The following PDGFC variants were observed in gnomAD, a reference collection of about 807,000 sequenced individuals.
PDGFC encodes platelet derived growth factor C, also known as platelet-derived growth factor C.
PDGFC carries 12 observed loss-of-function variants against 35.5 expected under a neutral mutation model. The ratio of observed to expected loss-of-function variants is 0.34; its 90% CI spans 0.22 to 0.55. The LOEUF (loss-of-function observed/expected upper bound fraction) is 0.55, where lower values mean the gene tolerates loss of function less well. Among genes scored for constraint, PDGFC ranks in the 20% least tolerant of loss-of-function variants. PDGFC has a pLI of 0.91. For missense variants in PDGFC, 322 were observed against 412.4 expected (o/e 0.78, Z 1.90); for synonymous variants, 159 against 148.8 (o/e 1.07, Z -0.50).
At chr4:156,833,600 A>G (rs1474758437) in intron 2 of PDGFC, among the ~76,000 whole-genome samples, 2 of 152,306 alleles carry the variant, frequency 1.3e-5, no homozygotes, top group Admixed American at 1.3e-4. Context: ...TGTTATTTTT[A>G]TTTAGTTTTA....
At chr4:156,871,141 G>A (rs1729973152) in intron 1 of PDGFC, among the ~76,000 whole-genome samples, 1 of 152,058 alleles carries the variant, frequency 6.6e-6, no homozygotes, top group Admixed American at 6.6e-5. Context: ...TATAGGAGCA[G>A]CTGCAACTTC....
chr4:156,860,370 T>C (rs1729681287), intron 1 of PDGFC, among the ~76,000 whole-genome samples: 1 of 152,122 alleles, frequency 6.6e-6, no homozygotes. Context: ...CCGGCTGCAT[T>C]CACGACCTTC....
At chr4:156,922,610 GTTT>G (rs1731312927) in intron 1 of PDGFC, among the ~76,000 whole-genome samples, 1 of 152,146 alleles carries the variant, frequency 6.6e-6, no homozygotes, top group African/African-American at 2.4e-5. Flanking sequence ...CTGACTGTAA[GTTT>G]ACCTACAGAG....
At chr4:156,939,349 C>T (rs1283000100) in intron 1 of PDGFC, among the ~76,000 whole-genome samples, 6 of 151,936 alleles carry the variant, frequency 3.9e-5, no homozygotes, top group Non-Finnish European at 8.8e-5. Flanking sequence ...AAAAATAACT[C>T]GATGAGTCAG....
intron 1 of PDGFC, among the ~76,000 whole-genome samples, chr4:156,857,142 T>C (rs1254059396): frequency 6.6e-6 from 1 of 151,846 alleles, no homozygotes; most frequent in African/African-American, 2.4e-5. Context: ...GAAATGATAT[T>C]TGTATAAAAG....
At chr4:156,916,067 T>C (rs1731150884) in intron 1 of PDGFC, among the ~76,000 whole-genome samples, 1 of 152,156 alleles carries the variant, frequency 6.6e-6, no homozygotes, top group Non-Finnish European at 1.5e-5. Flanking sequence ...TTTGGGAATA[T>C]TAAGAAGAAC....
chr4:156,960,881 A>G (rs534658446), intron 1 of PDGFC, among the ~76,000 whole-genome samples: 1 of 152,196 alleles, frequency 6.6e-6, no homozygotes, highest in South Asian at 2.1e-4. Context: ...ATCTGAAAAC[A>G]CTAATCATTA....
intron 3 of PDGFC, among the ~76,000 whole-genome samples, chr4:156,809,928 A>T: frequency 6.6e-6 from 1 of 151,888 alleles, no homozygotes; most frequent in East Asian, 1.9e-4. Flanking sequence ...TATGTTTTTT[A>T]CTACAATTAA....
intron 1 of PDGFC, among the ~76,000 whole-genome samples, chr4:156,856,911 C>T (rs6827973): frequency 0.11 from 16,975 of 152,066 alleles, 1,134 homozygotes; most frequent in African/African-American, 0.19. Context: ...TTATTGAGAT[C>T]TGCCATTTTC....
At chr4:156,801,538 T>C (rs2110915651) in intron 3 of PDGFC, among the ~76,000 whole-genome samples, 1 of 152,298 alleles carries the variant, frequency 6.6e-6, no homozygotes, top group Admixed American at 6.5e-5. Context: ...TAGGGGTTAT[T>C]TTATCTGGCA....
Position 156,937,526 on chromosome 4 carries a change from C to T in PDGFC, c.118+33260G>A, listed in dbSNP as rs112189646. ...ACCAGCCTGGGCAAAATAGTGAAACCCCATCTCTACAAAGAATACAAAAAA... is the reference window on the plus strand; with the variant it reads ...ACCAGCCTGGGCAAAATAGTGAAACTCCATCTCTACAAAGAATACAAAAAA... On this transcript the variant is annotated intron_variant, in intron 1 of 5. Coordinates refer to ENST00000502773, the MANE Select transcript of PDGFC (RefSeq NM_016205.3). 2.1e-3 allele frequency among the ~76,000 whole-genome samples: 320 copies of T among 150,784 alleles called. 2 individuals carry two copies. Among genetic ancestry groups the T allele is most frequent in the African/African-American group, 7.6e-3 (306 of 40,198 alleles).
intron 3 of PDGFC, chr4:156,778,289 C>A: frequency 3.2e-6 from 1 of 310,546 alleles, no homozygotes; most frequent in Non-Finnish European, 7.0e-6. Context: ...CACAAGTAAC[C>A]AAACAAGTAT....
rs1731720485 is a variant in PDGFC, at chr4:156,937,877, C to T, written c.118+32909G>A. Among the ~76,000 whole-genome samples, 3 of 152,012 alleles carry T rather than the reference C, an allele frequency of 2.0e-5. No homozygotes were observed. In the South Asian group the frequency reaches 6.2e-4, roughly 32 times the overall value. ...TGATTCATGGTGGAAAAAAAAATTA[C>T]CTTAAGATAAAGTTCTTTAGAGAAT... is the stretch of plus-strand genomic sequence containing the variant. On this transcript the variant is annotated intron_variant, in intron 1 of 5. Transcript: ENST00000502773.
intron 2 of PDGFC, among the ~76,000 whole-genome samples, chr4:156,817,744 TCCTCCC>T (rs1732129730): frequency 6.6e-6 from 1 of 152,078 alleles, no homozygotes; most frequent in Non-Finnish European, 1.5e-5. Flanking sequence ...AGCGCAGCTA[TCCTCCC>T]CATTAAATTT....
intron 1 of PDGFC, among the ~76,000 whole-genome samples, chr4:156,924,233 A>G (rs1731354468): frequency 6.6e-6 from 1 of 152,222 alleles, no homozygotes; most frequent in South Asian, 2.1e-4. Flanking sequence ...TGGGCAGCCG[A>G]ATAGTTTCAA....
chr4:156,860,839 T>C (rs889202859), intron 1 of PDGFC, among the ~76,000 whole-genome samples: 7 of 152,200 alleles, frequency 4.6e-5, no homozygotes, highest in South Asian at 2.1e-4. Flanking sequence ...CTTTTGATCA[T>C]AGTGAAAAGT....
intron 3 of PDGFC, among the ~76,000 whole-genome samples, chr4:156,785,190 C>T (rs1731089543): frequency 6.6e-6 from 1 of 152,118 alleles, no homozygotes; most frequent in Admixed American, 6.6e-5. Flanking sequence ...AGGCTAAGAT[C>T]TTACTGTTCT....
chr4:156,905,331 C>T (rs1030984538), intron 1 of PDGFC, among the ~76,000 whole-genome samples: 3 of 151,982 alleles, frequency 2.0e-5, no homozygotes, highest in Admixed American at 6.6e-5. Flanking sequence ...ATATTCATGA[C>T]TTTACTCAAT....
At chr4:156,959,749 G>A (rs896303452) in intron 1 of PDGFC, among the ~76,000 whole-genome samples, 1 of 151,776 alleles carries the variant, frequency 6.6e-6, no homozygotes, top group Non-Finnish European at 1.5e-5. Context: ...TTTTTGCTAC[G>A]GTAGGTTGGC....
Sources: allele counts gnomAD v4.1 joint callset (sites outside exome capture counted in the v4.1 genomes callset), GRCh38; gene constraint gnomAD v4.1.1; transcripts MANE v1.5; gene names NCBI Gene and HGNC (gene_info 2026-07-23, HGNC 2026-07-21).